NFIA: variants seen among roughly 807,000 people sequenced by gnomAD.
NFIA encodes the protein nuclear factor 1 A-type.
A neutral mutation model predicts 62.8 loss-of-function variants in NFIA; 8 were observed. That is an observed-to-expected ratio of 0.13 (90% CI 0.07 to 0.23). The LOEUF is 0.23. Among genes scored for constraint, NFIA ranks in the 10% least tolerant of loss-of-function variants. NFIA has a pLI of 1.00. For synonymous variants in NFIA, 235 were observed against 238.1 expected, an observed-to-expected ratio of 0.99 and a Z score of 0.12; for missense variants, 410 against 642.1, an observed-to-expected ratio of 0.64 and a Z score of 3.91.
intron 2 of NFIA, among the ~76,000 whole-genome samples, chr1:61,245,388 A>C (rs1214106196): frequency 6.6e-6 from 1 of 152,160 alleles, no homozygotes; most frequent in East Asian, 1.9e-4. Flanking sequence ...CAAAGTCCTA[A>C]CTATAGGCAA....
intron 2 of NFIA, among the ~76,000 whole-genome samples, chr1:61,254,149 C>G (rs1032603151): frequency 2.3e-4 from 35 of 152,148 alleles, no homozygotes; most frequent in Admixed American, 2.3e-3. Flanking sequence ...AATGAGATTG[C>G]AATTCCCAGA....
chr1:61,269,853 A>G (rs183718191), intron 2 of NFIA, among the ~76,000 whole-genome samples: 20 of 152,310 alleles, frequency 1.3e-4, no homozygotes, highest in African/African-American at 3.4e-4. Flanking sequence ...CTCTGCTACA[A>G]TTTGCTGCAG....
chr1:61,411,139 C>G (rs1666079335), intron 9 of NFIA, among the ~76,000 whole-genome samples: 1 of 152,014 alleles, frequency 6.6e-6, no homozygotes, highest in African/African-American at 2.4e-5. Context: ...TAATGAAATA[C>G]AAATGGATGC....
Position 61,088,185 on chromosome 1 carries a change from C to T in NFIA, c.64C>T (p.His22Tyr), listed in dbSNP as rs781143557. The T allele has an allele frequency of 6.2e-7, 1 of 1,612,956 alleles. No individual in the cohort carries two copies. Among genetic ancestry groups the T allele is most frequent in the Non-Finnish European group, 8.5e-7 (1 of 1,179,726 alleles). ...FHPFIEALLP[H>Y]VRAFAYTWFN... ...TCCTTTCATCGAAGCACTTCTGCCC[C>T]ACGTCCGAGCCTTTGCCTACACATG... Residue 22 changes from histidine (H) to tyrosine (Y), a missense_variant, in exon 2 of 11, where the codon CAC (histidine) becomes TAC (tyrosine). Transcript: ENST00000403491. The surrounding 1 kb of genome is among the most constrained non-coding windows in gnomAD (Gnocchi z 4.5).
chr1:61,379,076 C>T (rs1664281755), intron 6 of NFIA, among the ~76,000 whole-genome samples: 1 of 152,124 alleles, frequency 6.6e-6, no homozygotes. Flanking sequence ...TATAACATAA[C>T]CTAATCAATA....
At chr1:61,311,639 C>T (rs1057313638) in intron 3 of NFIA, among the ~76,000 whole-genome samples, 2 of 152,102 alleles carry the variant, frequency 1.3e-5, no homozygotes, top group East Asian at 3.9e-4. Flanking sequence ...CAGACATTGC[C>T]AAATGTCACC....
chr1:61,130,294 C>T (rs780580271), intron 2 of NFIA, among the ~76,000 whole-genome samples: 9 of 152,016 alleles, frequency 5.9e-5, no homozygotes, highest in South Asian at 2.1e-4. Flanking sequence ...GTGGTTTTTA[C>T]GGCATCAGAG....
At chr1:61,121,784 C>G (rs1213152220) in intron 2 of NFIA, among the ~76,000 whole-genome samples, 1 of 152,154 alleles carries the variant, frequency 6.6e-6, no homozygotes, top group Non-Finnish European at 1.5e-5. Flanking sequence ...TGTTCACTAG[C>G]TGGACCCTGG....
chr1:61,414,545 T>TG (rs200174667), intron 9 of NFIA, among the ~76,000 whole-genome samples: 4,616 of 151,452 alleles, frequency 0.03, 102 homozygotes, highest in Non-Finnish European at 0.049. Flanking sequence ...TGTTTTGTTT[T>TG]TTTTTTTCAG....
chr1:61,343,452 G>A (rs1363537996), intron 4 of NFIA, among the ~76,000 whole-genome samples: 1 of 152,190 alleles, frequency 6.6e-6, no homozygotes, highest in African/African-American at 2.4e-5. Flanking sequence ...AGACAGGGAT[G>A]TGTGAAAATA....
chr1:61,096,598 G>A, intron 2 of NFIA, among the ~76,000 whole-genome samples: 1 of 139,534 alleles, frequency 7.2e-6, no homozygotes, highest in Non-Finnish European at 1.5e-5. Context: ...TGTCACCCAG[G>A]CTGGAGTGCA....
chr1:61,453,382 AG>A (rs2100591676), intron 10 of NFIA, among the ~76,000 whole-genome samples: 2 of 149,688 alleles, frequency 1.3e-5, no homozygotes, highest in South Asian at 4.3e-4. Context: ...AGGATTACAG[AG>A]CTGCTCTGGG....
At chr1:61,182,541 AGTT>A (rs1650826105) in intron 2 of NFIA, among the ~76,000 whole-genome samples, 1 of 152,238 alleles carries the variant, frequency 6.6e-6, no homozygotes, top group Non-Finnish European at 1.5e-5. Context: ...GAATTTTCAA[AGTT>A]AGAACTGTAA....
intron 2 of NFIA, among the ~76,000 whole-genome samples, chr1:61,140,040 T>C (rs1031188642): frequency 6.6e-6 from 1 of 152,098 alleles, no homozygotes; most frequent in Non-Finnish European, 1.5e-5. Flanking sequence ...CAATAAATGA[T>C]GAGAGGAATA....
At chr1:61,094,957 T>C (rs1340396773) in intron 2 of NFIA, among the ~76,000 whole-genome samples, 3 of 152,230 alleles carry the variant, frequency 2.0e-5, no homozygotes, top group African/African-American at 7.2e-5. Flanking sequence ...CTTTTCTGTT[T>C]GTAAAACAAG....
intron 2 of NFIA, among the ~76,000 whole-genome samples, chr1:61,139,003 A>G (rs1360393956): frequency 6.6e-6 from 1 of 151,948 alleles, no homozygotes; most frequent in Non-Finnish European, 1.5e-5. Context: ...CAGCCTGGCC[A>G]ACATGGTGAA....
intron 3 of NFIA, among the ~76,000 whole-genome samples, chr1:61,288,012 C>T (rs1658616973): frequency 6.6e-6 from 1 of 152,182 alleles, no homozygotes; most frequent in Non-Finnish European, 1.5e-5. Context: ...TCTGCTGGTA[C>T]CTAGCCCAGT....
intron 6 of NFIA, among the ~76,000 whole-genome samples, chr1:61,367,438 T>G (rs371518163): frequency 6.6e-6 from 1 of 152,244 alleles, no homozygotes; most frequent in Non-Finnish European, 1.5e-5. Context: ...GGGATCGATG[T>G]CTTGGCTTTT....
chr1:61,096,570 T>TTTTTTTTTTTTA (rs1646419290), intron 2 of NFIA, among the ~76,000 whole-genome samples: 1 of 135,108 alleles, frequency 7.4e-6, no homozygotes, highest in African/African-American at 2.9e-5. Flanking sequence ...TTTTTTTTTT[T>TTTTTTTTTTTTA]GAGACGGAGT....
Sources: allele counts gnomAD v4.1 joint callset (sites outside exome capture counted in the v4.1 genomes callset), GRCh38; gene constraint gnomAD v4.1.1; non-coding constraint Gnocchi (gnomAD v3.1); transcripts MANE v1.5; gene names NCBI Gene and HGNC (gene_info 2026-07-23, HGNC 2026-07-21).